Variants in DCTN4 observed in about 807,000 individuals in gnomAD.
DCTN4 encodes dynactin 4 (p62).
DCTN4 carries 23 observed loss-of-function variants against 62.7 expected under a neutral mutation model. The observed-to-expected ratio is 0.37, with a 90% CI of 0.26 to 0.52. The LOEUF is 0.52. Among genes scored for constraint, DCTN4 ranks in the 20% least tolerant of loss-of-function variants. DCTN4 has a pLI of 0.92. For missense variants in DCTN4, 514 were observed against 580.4 expected, an observed-to-expected ratio of 0.89 and a Z score of 1.18; for synonymous variants, 199 against 202.1, an observed-to-expected ratio of 0.98 and a Z score of 0.13.
chr5:150,720,800 G>T (rs1759932059), intron 9 of DCTN4, among the ~76,000 whole-genome samples: 1 of 152,132 alleles, frequency 6.6e-6, no homozygotes, highest in Non-Finnish European at 1.5e-5. Context: ...TATTAAGATA[G>T]CCAGGCAATT....
At chr5:150,728,592 T>C (rs777607806) in intron 8 of DCTN4, among the ~76,000 whole-genome samples, 3 of 152,240 alleles carry the variant, frequency 2.0e-5, no homozygotes, top group Non-Finnish European at 4.4e-5. Flanking sequence ...CACATGACTT[T>C]AGACGGTTAT....
At chr5:150,753,145 G>A (rs1397163947) in intron 3 of DCTN4, among the ~76,000 whole-genome samples, 3 of 152,188 alleles carry the variant, frequency 2.0e-5, no homozygotes, top group Admixed American at 1.3e-4. Flanking sequence ...GATTACAGGC[G>A]TGAGCCACCG....
intron 2 of DCTN4, among the ~76,000 whole-genome samples, chr5:150,755,112 A>G (rs1225758211): frequency 6.6e-6 from 1 of 152,230 alleles, no homozygotes; most frequent in Non-Finnish European, 1.5e-5. Context: ...GAGTCAACTG[A>G]AAGAGCTCCC....
At chr5:150,713,445 CTTTTT>C (rs371366897) in intron 12 of DCTN4, among the ~76,000 whole-genome samples, 1 of 135,602 alleles carries the variant, frequency 7.4e-6, no homozygotes. Flanking sequence ...CTTTTCTTTT[CTTTTT>C]TTTTTTTTTT....
intron 4 of DCTN4, chr5:150,734,437 T>C (rs1223460707): frequency 6.6e-6 from 1 of 152,080 alleles, no homozygotes; most frequent in Non-Finnish European, 1.5e-5. Context: ...GAGTGAAATA[T>C]AAAAATAGAA....
At chr5:150,750,648 G>A (rs1212116266) in intron 3 of DCTN4, among the ~76,000 whole-genome samples, 8 of 152,220 alleles carry the variant, frequency 5.3e-5, no homozygotes. Flanking sequence ...ATAGAGTAAA[G>A]TTGTAGCAGG....
chr5:150,736,154 G>A (rs913729773), intron 4 of DCTN4, among the ~76,000 whole-genome samples: 1 of 152,140 alleles, frequency 6.6e-6, no homozygotes, highest in Non-Finnish European at 1.5e-5. Flanking sequence ...TCCCAAGGAA[G>A]AAGAGAAATC....
At chr5:150,752,943 C>T (rs1217196909) in intron 3 of DCTN4, among the ~76,000 whole-genome samples, 4 of 151,858 alleles carry the variant, frequency 2.6e-5, no homozygotes, top group African/African-American at 4.8e-5. Flanking sequence ...CTCGGCTCAC[C>T]GCAAGCTCTG....
At chr5:150,716,880 C>T (rs917120861) in intron 11 of DCTN4, among the ~76,000 whole-genome samples, 1 of 151,104 alleles carries the variant, frequency 6.6e-6, no homozygotes, top group Non-Finnish European at 1.5e-5. Flanking sequence ...GACTGCGCCA[C>T]TGCACTCCAG....
intron 8 of DCTN4, among the ~76,000 whole-genome samples, 170 bp downstream of exon 8, chr5:150,730,461 G>A (rs1000444639): frequency 2.6e-5 from 4 of 152,216 alleles, no homozygotes; most frequent in African/African-American, 9.6e-5. Flanking sequence ...AGTTGTAAGA[G>A]CTGTTTATAT....
At chr5:150,716,285 C>T (rs944711936) in intron 11 of DCTN4, among the ~76,000 whole-genome samples, 3 of 152,188 alleles carry the variant, frequency 2.0e-5, no homozygotes, top group African/African-American at 7.2e-5. Flanking sequence ...ACATCTGAAA[C>T]AGTCCATCAT....
chr5:150,727,452 G>A (rs1032753603), intron 8 of DCTN4, among the ~76,000 whole-genome samples: 1 of 151,600 alleles, frequency 6.6e-6, no homozygotes, highest in Non-Finnish European at 1.5e-5. Flanking sequence ...TTTAATTTTA[G>A]GCTTCTTAGG....
At chr5:150,734,711 G>A (rs1284283361) in intron 4 of DCTN4, among the ~76,000 whole-genome samples, 9 of 152,196 alleles carry the variant, frequency 5.9e-5, no homozygotes, top group East Asian at 5.8e-4. Flanking sequence ...GGGAAGGGGC[G>A]GAGTCCAAAA....
intron 3 of DCTN4, among the ~76,000 whole-genome samples, chr5:150,748,264 A>G (rs1293736500): frequency 1.6e-4 from 24 of 148,616 alleles, no homozygotes; most frequent in African/African-American, 4.5e-4. Flanking sequence ...TTAGAATGGC[A>G]ATCATTAAAA....
At chr5:150,735,115 C>T (rs1359801509) in intron 4 of DCTN4, among the ~76,000 whole-genome samples, 1 of 152,154 alleles carries the variant, frequency 6.6e-6, no homozygotes, top group African/African-American at 2.4e-5. Flanking sequence ...CCTGGGAAAC[C>T]CAAATACTTA....
intron 3 of DCTN4, among the ~76,000 whole-genome samples, chr5:150,748,572 T>A (rs1420478826): frequency 1.3e-5 from 2 of 149,794 alleles, no homozygotes; most frequent in African/African-American, 4.9e-5. Context: ...ATTAAGAAAA[T>A]GTGGCACATA....
chr5:150,753,405 A>G, intron 3 of DCTN4, 74 bp downstream of exon 3: 1 of 1,401,640 alleles, frequency 7.1e-7, no homozygotes, highest in Non-Finnish European at 9.9e-7. Flanking sequence ...AACGGGTTAC[A>G]GAAATAATAA....
At chr5:150,747,083 C>T (rs201747621) in intron 3 of DCTN4, among the ~76,000 whole-genome samples, 11,656 of 152,084 alleles carry the variant, frequency 0.077, 579 homozygotes, top group East Asian at 0.24. Flanking sequence ...TAAGCAACTT[C>T]AGCAAAGTCT....
rs755623122 is a variant in DCTN4, at chr5:150,722,937, G to A, written c.878C>T (p.Ser293Leu). ...NLSKPEFNPT[S>L]IKFKIQLVAV... ...GACCAGCTGGATTTTGAATTTGATT[G>A]ACGTTGGGTTAAATTCTGGCTTGCT... The change falls in exon 9 of 13, where the codon TCA (serine) becomes TTA (leucine). Residue 293 changes from serine (S) to leucine (L), a missense_variant. By Grantham distance (145) the Ser-to-Leu change is moderately radical. Transcript: ENST00000447998. 1 of 1,612,848 alleles carries A rather than the reference G, an allele frequency of 6.2e-7. No homozygotes were observed. The highest frequency in any genetic ancestry group is 2.2e-5 in the East Asian group (1 of 44,798).
Sources: gnomAD v4.1 joint callset for allele counts (sites outside exome capture counted in the v4.1 genomes callset) on GRCh38, gnomAD v4.1.1 for gene constraint, MANE v1.5 for transcripts, NCBI Gene and HGNC (gene_info 2026-07-23, HGNC 2026-07-21) for gene names.